The following STAB1 variants were observed in gnomAD, a reference collection of about 807,000 sequenced individuals.
STAB1 encodes stabilin-1.
Under a neutral mutation model 332.4 loss-of-function variants are expected in STAB1, and 250 were observed. That is an observed-to-expected ratio of 0.75 (90% CI 0.68 to 0.84). The LOEUF is 0.84. STAB1 is among the 40% of genes least tolerant of loss of function. STAB1 has a pLI of 0.00. For missense variants in STAB1, 3,249 were observed against 3,489.7 expected (o/e 0.93, Z 1.74); for synonymous variants, 1,475 against 1,390.4 (o/e 1.06, Z -1.35).
chr3:52,519,535 G>C lies in STAB1; in HGVS notation c.5206G>C (p.Gly1736Arg), dbSNP rs143894786. The stretch of plus-strand genomic sequence containing the variant: ...TGTCACCGCCGCCGCCCAGGGCTTC[G>C]GTTACAAGATCTTCAGCGGCCTCCT... ...RNVTAAAQGF[G>R]YKIFSGLLKV... Residue 1736 changes from glycine (G) to arginine (R), a missense_variant, in exon 50 of 69, where the codon GGT becomes CGT. By Grantham distance (125) the Gly-to-Arg change is moderately radical. Transcript: ENST00000321725. The C allele has an allele frequency of 2.2e-4, 354 of 1,613,360 alleles. 5 individuals are homozygous for C. In the South Asian group the frequency reaches 3.8e-3, roughly 17 times the overall value.
At position 52,523,714 on chromosome 3, in the gene STAB1, C is replaced by G; in HGVS notation, c.7353C>G (p.Ile2451Met). 4 of 1,606,340 alleles carry G rather than the reference C, an allele frequency of 2.5e-6. No homozygotes were observed. The highest frequency in any genetic ancestry group is 8.5e-7 in the Non-Finnish European group (1 of 1,174,450). ...GGGACATCATGGCCTTCAATGGCATCATCCATGCTCTGGCCAGCCCCCTCC... is the reference window on the plus strand; with the variant it reads ...GGGACATCATGGCCTTCAATGGCATGATCCATGCTCTGGCCAGCCCCCTCC... Reference protein sequence around the residue: ...IVWDIMAFNGIIHALASPLLA... With the variant: ...IVWDIMAFNGMIHALASPLLA... Residue 2451 changes from isoleucine to methionine, a missense_variant, in exon 66 of 69, where the codon ATC becomes ATG. Ile to Met is a conservative substitution (Grantham distance 10, BLOSUM62 1). Transcript: ENST00000321725.
At chr3:52,508,667 C>T (rs1293020853) in intron 21 of STAB1, 5 of 360,524 alleles carry the variant, frequency 1.4e-5, no homozygotes, top group Non-Finnish European at 2.7e-5. Flanking sequence ...ACTAAAAATA[C>T]AAAAATTAGC....
At chr3:52,501,874 C>T (rs902672754) in intron 3 of STAB1, 121 bp downstream of exon 3, 25 of 1,375,204 alleles carry the variant, frequency 1.8e-5, no homozygotes, top group African/African-American at 4.3e-5. Context: ...ACTCACCGAG[C>T]GCCTCCAAGG....
chr3:52,495,533 C>T (rs749022472), intron 1 of STAB1, 42 bp downstream of exon 1: 38 of 1,286,082 alleles, frequency 3.0e-5, no homozygotes, highest in Admixed American at 3.7e-5. Flanking sequence ...CGTCTGGGCC[C>T]TGCCGGCCAG....
Position 52,516,721 on chromosome 3 carries a change from C to T in STAB1, c.4316C>T (p.Thr1439Ile), listed in dbSNP as rs759624091. ...GTGCAGGACTCGGCCGGAGCCTCCA[C>T]CTGCGCCTGTGCTGCGGGATACTCC... ...NCVQDSAGASTCACAAGYSGN... is the reference protein window; with the variant it reads ...NCVQDSAGASICACAAGYSGN... Residue 1439 changes from threonine to isoleucine, a missense_variant, in exon 41 of 69, where the codon ACC (threonine) becomes ATC (isoleucine). Transcript: ENST00000321725. The T allele has an allele frequency of 1.9e-6, 3 of 1,612,006 alleles. No homozygotes were observed. The highest frequency in any genetic ancestry group is 1.7e-5 in the Admixed American group (1 of 59,964).
intron 63 of STAB1, 30 bp from the exon 64 acceptor site, chr3:52,523,192 G>A: frequency 6.2e-7 from 1 of 1,612,620 alleles, no homozygotes; most frequent in South Asian, 1.1e-5. Flanking sequence ...GAGGGAGCCT[G>A]CTCATAGTTC....
intron 34 of STAB1, 84 bp downstream of exon 34, chr3:52,514,580 A>T: frequency 3.9e-6 from 6 of 1,550,470 alleles, no homozygotes; most frequent in Non-Finnish European, 5.2e-6. Context: ...CCTAGCTGTG[A>T]GCCTCCAACC....
In STAB1 at chr3:52,521,970, A is replaced by C; in HGVS notation, c.6271+19A>C. 6.2e-7 allele frequency: 1 copy of C among 1,606,576 alleles called. No homozygotes were observed. Among genetic ancestry groups the C allele is most frequent in the Non-Finnish European group, 8.5e-7 (1 of 1,175,026 alleles). On this transcript the variant is annotated intron_variant, in intron 58 of 68. Transcript: ENST00000321725. ...TGTACAGGTAAGCAGATGGGCGGGG[A>C]CATGGAGGTGGGAGGCCCCCACTCC... is the stretch of plus-strand genomic sequence containing the variant.
At position 52,503,882 on chromosome 3, in the gene STAB1, G is replaced by A. The variant is rs946524982; in HGVS notation, c.1002G>A (p.Val334=). Residue 334 remains valine (V), a synonymous_variant, in exon 9 of 69, where the codon GTG becomes GTA. Transcript: ENST00000321725. Reference sequence around the variant, plus strand: ...GCGACCGGTCTGCCACTTGCCAGGTGACCGCTGATGGGAAGACCAGGTGAG... The same window carrying A: ...GCGACCGGTCTGCCACTTGCCAGGTAACCGCTGATGGGAAGACCAGGTGAG... ...FSCDRSATCQ[V]TADGKTSCVC... 2 of 1,613,240 alleles carry A rather than the reference G, an allele frequency of 1.2e-6. No individual in the cohort carries two copies. Among genetic ancestry groups the A allele is most frequent in the Non-Finnish European group, 1.7e-6 (2 of 1,180,026 alleles).
chr3:52,511,818 C>G (rs1709320773), intron 26 of STAB1, 73 bp downstream of exon 26: 7 of 1,212,642 alleles, frequency 5.8e-6, no homozygotes, highest in Non-Finnish European at 8.0e-6. Context: ...CTCTCCCTCC[C>G]TCCCCATCTC....
In STAB1 at chr3:52,504,166, C is replaced by G. The variant is rs1708669092; in HGVS notation, c.1150+11C>G. On this transcript the variant is annotated intron_variant, in intron 10 of 68. Coordinates refer to ENST00000321725, the MANE Select transcript of STAB1 (RefSeq NM_015136.3). ...CCGTGGCCATGATGGGTGCGTGACC[C>G]CACTGCTTGCCCACGACCCGACCCC... 1.9e-6 allele frequency: 3 copies of G among 1,581,102 alleles called. No homozygotes were observed. In the East Asian group the frequency reaches 6.9e-5, roughly 36 times the overall value.
chr3:52,508,415 G>T (rs766908286), intron 21 of STAB1, 56 bp downstream of exon 21: 1 of 1,579,390 alleles, frequency 6.3e-7, no homozygotes, highest in East Asian at 2.2e-5. Context: ...CTCCTTCACC[G>T]GTTGGCCAGT....
chr3:52,514,301 G>C lies in STAB1; in HGVS notation c.3547-64G>C, dbSNP rs575615000. On this transcript the variant is annotated intron_variant, in intron 33 of 68. Transcript: ENST00000321725. ...CCCACCACGAAGGGACACAGTGGGT[G>C]TGGCGTGCTGTCCAGGGCACTTGGT... The C allele has an allele frequency of 1.3e-4, 202 of 1,585,878 alleles. 1 individual carries two copies. The highest frequency in any genetic ancestry group is 1.0e-3 in the Middle Eastern group (5 of 5,024).
intron 25 of STAB1, among the ~76,000 whole-genome samples, chr3:52,510,853 C>A (rs1303474030): frequency 6.6e-6 from 1 of 152,250 alleles, no homozygotes; most frequent in Non-Finnish European, 1.5e-5. Context: ...GTGTCTGAAT[C>A]TAGTCACGGG....
chr3:52,499,894 A>G (rs2079912), intron 1 of STAB1, among the ~76,000 whole-genome samples: 96,563 of 103,288 alleles, frequency 0.93, 45,204 homozygotes, highest in East Asian at 0.97. Flanking sequence ...GCGAGACTCC[A>G]TCTCAAAAAA....
rs1315656741 is a variant in STAB1, at chr3:52,524,316, A to G, written c.7673A>G (p.Glu2558Gly). 3.1e-6 allele frequency: 5 copies of G among 1,613,928 alleles called. No individual in the cohort carries two copies. Among genetic ancestry groups the G allele is most frequent in the Non-Finnish European group, 4.2e-6 (5 of 1,180,020 alleles). Residue 2558 changes from glutamate to glycine, a missense_variant, in exon 69 of 69, where the codon GAG (glutamate) becomes GGG (glycine). By Grantham distance (98) the Glu-to-Gly change is moderately conservative. Transcript: ENST00000321725. The part of the protein sequence containing the change: ...CEPFDDSLLE[E>G]DFPDTQRILT... ...CTCTTCTAGGACTCACTGCTGGAGGAGGACTTCCCTGACACCCAGAGGATC... is the reference window on the plus strand; with the variant it reads ...CTCTTCTAGGACTCACTGCTGGAGGGGGACTTCCCTGACACCCAGAGGATC...
At chr3:52,519,449 G>A (rs2078998212) in intron 49 of STAB1, 45 bp downstream of exon 49, 5 of 1,611,894 alleles carry the variant, frequency 3.1e-6, no homozygotes, top group Non-Finnish European at 4.2e-6. Context: ...GGCAGGTGGG[G>A]GCCTGGGATC....
At chr3:52,504,185 C>T (rs766153364) in intron 10 of STAB1, 30 bp downstream of exon 10, 30 of 1,565,354 alleles carry the variant, frequency 1.9e-5, no homozygotes, top group African/African-American at 1.4e-4. Context: ...GCCCACGACC[C>T]GACCCCTCAC....
At position 52,495,442 on chromosome 3, in the gene STAB1, T is replaced by C; in HGVS notation, c.29T>C (p.Leu10Pro). The change falls in exon 1 of 69, where the codon CTC becomes CCC. Residue 10 changes from leucine (L) to proline (P), a missense_variant. Coordinates refer to ENST00000321725, the MANE Select transcript of STAB1 (RefSeq NM_015136.3). ...GCGGGGCCCCGGGGCCTCCTCCCAC[T>C]CTGCCTCCTGGCCTTCTGCCTGGCA... MAGPRGLLPLCLLAFCLAGF... is the reference protein window; with the variant it reads MAGPRGLLPPCLLAFCLAGF... 1.5e-6 allele frequency: 2 copies of C among 1,344,556 alleles called. No homozygotes were observed. Among genetic ancestry groups the C allele is most frequent in the South Asian group, 4.9e-5 (2 of 41,166 alleles). The allele number at this position is 1,344,556 out of a possible 1,614,324, so 83.3% of individuals were successfully genotyped here.
Sources: allele counts gnomAD v4.1 joint callset (sites outside exome capture counted in the v4.1 genomes callset), GRCh38; gene constraint gnomAD v4.1.1; transcripts MANE v1.5; gene names NCBI Gene and HGNC (gene_info 2026-07-23, HGNC 2026-07-21).